Variants in OR2K2 observed in about 807,000 individuals in gnomAD.
The protein encoded by OR2K2 is olfactory receptor 2K2.
In OR2K2, 7 loss-of-function variants were observed where a neutral mutation model predicts 11.1. The ratio of observed to expected loss-of-function variants is 0.63; its 90% confidence interval spans 0.36 to 1.19. The LOEUF is 1.19. Among genes scored for constraint, OR2K2 ranks in the 50% most tolerant of loss-of-function variants. OR2K2 has a pLI of 0.02. For synonymous variants in OR2K2, 152 were observed against 150.8 expected, an observed-to-expected ratio of 1.01 and a Z score of -0.06; for missense variants, 391 against 383.4, an observed-to-expected ratio of 1.02 and a Z score of -0.17.
intron 1 of OR2K2, among the ~76,000 whole-genome samples, chr9:111,329,552 C>G (rs1042073549): frequency 2.0e-5 from 3 of 152,080 alleles, no homozygotes; most frequent in African/African-American, 7.2e-5. Flanking sequence ...GGAAGATTAC[C>G]ATAAGATCTC....
chr9:111,327,494 C>T lies in OR2K2; in HGVS notation c.940G>A (p.Glu314Lys), dbSNP rs781230543. ...CCATAGGGACCCAATCAGAGATGTT[C>T]GTGTGTTTGATGCAATGTTATTTTG... ...LGKITLHQTH[E>K]HL is the part of the protein sequence containing the mutation. Residue 314 changes from glutamate to lysine, a missense_variant, in exon 2 of 2, where the codon GAA becomes AAA. Physicochemically the swap from Glu to Lys is moderately conservative, Grantham distance 56 (BLOSUM62 1). Transcript: ENST00000302681. The T allele has an allele frequency of 1.1e-5, 17 of 1,598,528 alleles. No individual in the cohort carries two copies. The highest frequency in any genetic ancestry group is 1.7e-4 in the Middle Eastern group (1 of 5,994).
In OR2K2 at chr9:111,328,623, G is replaced by A. The variant is rs559748102; in HGVS notation, c.-49-141C>T. On this transcript the variant is annotated intron_variant, in intron 1 of 1. Transcript: ENST00000302681. ...GTTTATTGATGTAAGGGGGGGAGCA[G>A]GTTGATGTACATAAGTTGATTCTTC... 2.4e-5 allele frequency: 14 copies of A among 579,208 alleles called. No individual in the cohort carries two copies. In the African/African-American group the frequency reaches 2.6e-4, roughly 11 times the overall value. 35.9% of individuals were successfully genotyped at this position (579,208 alleles called of 1,614,324 possible). A position where few individuals can be genotyped will look rare whatever the true frequency, so the allele number is the denominator to read the frequency against.
Position 111,327,949 on chromosome 9 carries a change from A to C in OR2K2, c.485T>G (p.Phe162Cys). ...GCLTALLETS[F>C]ALQIPLCGNL... ...CCCACAGAGGGGTATCTGCAGGGCA[A>C]AACTGGTTTCCAGCAGAGCGGTCAG... Residue 162 changes from phenylalanine to cysteine, a missense_variant, in exon 2 of 2, where the codon TTT (phenylalanine) becomes TGT (cysteine). By Grantham distance (205) the Phe-to-Cys change is radical. Coordinates refer to ENST00000302681, the MANE Select transcript of OR2K2 (RefSeq NM_205859.2). The C allele has an allele frequency of 1.2e-6, 2 of 1,614,142 alleles. No homozygotes were observed. The highest frequency in any genetic ancestry group is 1.7e-6 in the Non-Finnish European group (2 of 1,180,030).
In OR2K2 at chr9:111,327,445, G is replaced by T; in HGVS notation, c.*38C>A. The T allele has an allele frequency of 7.3e-7, 1 of 1,377,660 alleles. No homozygotes were observed. Among genetic ancestry groups the T allele is most frequent in the Non-Finnish European group, 1.0e-6 (1 of 995,358 alleles). 85.3% of individuals were successfully genotyped at this position (1,377,660 alleles called of 1,614,324 possible). A position where few individuals can be genotyped will look rare whatever the true frequency, so the allele number is the denominator to read the frequency against. On this transcript the variant is annotated 3_prime_UTR_variant, in exon 2 of 2. Transcript: ENST00000302681. Reference sequence around the variant, plus strand: ...GTCTCGAATTTCTCTGATGAGCTCTGCCAGGGGCACATCTCTGGTAAAACC... The same window carrying T: ...GTCTCGAATTTCTCTGATGAGCTCTTCCAGGGGCACATCTCTGGTAAAACC...
chr9:111,328,987 G>C (rs1276733145), intron 1 of OR2K2, among the ~76,000 whole-genome samples: 1 of 152,170 alleles, frequency 6.6e-6, no homozygotes, highest in Non-Finnish European at 1.5e-5. Context: ...GGCTGAGGCG[G>C]GTGGATTGCT....
chr9:111,328,147 C>A lies in OR2K2; in HGVS notation c.287G>T (p.Gly96Val). The A allele has an allele frequency of 6.2e-7, 1 of 1,614,104 alleles. No individual in the cohort carries two copies. ...GGACAGATACATCTGTACAGCACAC[C>A]CAGAAAAGATAATGGTTTTCTGGGA... ...LSSQKTIIFS[G>V]CAVQMYLSLA... The change falls in exon 2 of 2, where the codon GGG becomes GTG. Residue 96 changes from glycine to valine, a missense_variant. Gly to Val is a moderately radical substitution (Grantham distance 109, BLOSUM62 -3). Coordinates refer to ENST00000302681, the MANE Select transcript of OR2K2 (RefSeq NM_205859.2).
Position 111,328,358 on chromosome 9 carries a change from C to A in OR2K2, c.76G>T (p.Val26Phe), listed in dbSNP as rs1208154574. 3 of 1,613,672 alleles carry A rather than the reference C, an allele frequency of 1.9e-6. No individual in the cohort carries two copies. The highest frequency in any genetic ancestry group is 1.3e-5 in the African/African-American group (1 of 74,904). ...GFSQYPGLEV[V>F]LFVFSLVMYL... is the part of the protein sequence containing the mutation. ...ATTACAAGGCTGAAGACGAAGAGAA[C>A]CACTTCTAACCCTGGGTACTGGGAA... The change falls in exon 2 of 2, where the codon GTT becomes TTT. Residue 26 changes from valine to phenylalanine, a missense_variant. Physicochemically the swap from Val to Phe is conservative, Grantham distance 50. Coordinates refer to ENST00000302681, the MANE Select transcript of OR2K2 (RefSeq NM_205859.2).
intron 1 of OR2K2, among the ~76,000 whole-genome samples, chr9:111,329,116 T>C (rs1340551703): frequency 6.6e-6 from 1 of 151,988 alleles, no homozygotes; most frequent in Non-Finnish European, 1.5e-5. Context: ...CTCAGGAGGC[T>C]GAAGCTGAGA....
Position 111,327,568 on chromosome 9 carries a change from T to C in OR2K2, c.866A>G (p.Tyr289Cys). ...VLTPMLNPII[Y>C]SLRNKEVKDA... ...TTTGACTTCCTTGTTTCTTAAACTG[T>C]AAATTATGGGGTTCAACATAGGGGT... The change falls in exon 2 of 2, where the codon TAC becomes TGC. Residue 289 changes from tyrosine (Y) to cysteine (C), a missense_variant. Coordinates refer to ENST00000302681, the MANE Select transcript of OR2K2 (RefSeq NM_205859.2). 2 of 1,613,216 alleles carry C rather than the reference T, an allele frequency of 1.2e-6. No homozygotes were observed. The highest frequency in any genetic ancestry group is 1.7e-6 in the Non-Finnish European group (2 of 1,179,834).
At position 111,328,489 on chromosome 9, in the gene OR2K2, A is replaced by T. The variant is rs1453142735; in HGVS notation, c.-49-7T>A. On this transcript the variant is annotated splice_region_variant and splice_polypyrimidine_tract_variant and intron_variant, in intron 1 of 1. Coordinates refer to ENST00000302681, the MANE Select transcript of OR2K2 (RefSeq NM_205859.2). The stretch of plus-strand genomic sequence containing the variant: ...ACTATTCCCTTCATTTAATCTGAGG[A>T]CATAAAGAAATGAATAAAGTGTGAT... 8.6e-7 allele frequency: 1 copy of T among 1,158,914 alleles called. No individual in the cohort carries two copies. The highest frequency in any genetic ancestry group is 2.4e-5 in the East Asian group (1 of 41,812). The allele number at this position is 1,158,914 out of a possible 1,614,324, so 71.8% of individuals were successfully genotyped here. A position where few individuals can be genotyped will look rare whatever the true frequency, so the allele number is the denominator to read the frequency against.
intron 1 of OR2K2, among the ~76,000 whole-genome samples, chr9:111,329,288 G>T (rs573879853): frequency 2.0e-5 from 3 of 152,156 alleles, no homozygotes; most frequent in African/African-American, 7.2e-5. Flanking sequence ...TAACAGTTTG[G>T]GGGGGCTGTA....
At position 111,330,137 on chromosome 9, in the gene OR2K2, T is replaced by C. The variant is rs1231379109; in HGVS notation, c.-81A>G. On this transcript the variant is annotated 5_prime_UTR_variant, in exon 1 of 2. Coordinates refer to ENST00000302681, the MANE Select transcript of OR2K2 (RefSeq NM_205859.2). ...TTTGATATTCAAAAGTATTTAATAG[T>C]AGCCAAGAAGAATTGGTCCTCCCAT... 6.6e-6 allele frequency: 1 copy of C among 152,210 alleles called. No homozygotes were observed. Among genetic ancestry groups the C allele is most frequent in the Non-Finnish European group, 1.5e-5 (1 of 68,038 alleles). 9.4% of individuals were successfully genotyped at this position (152,210 alleles called of 1,614,324 possible).
In OR2K2 at chr9:111,328,333, A is replaced by T. The variant is rs1479350592; in HGVS notation, c.101T>A (p.Met34Lys). 6.2e-7 allele frequency: 1 copy of T among 1,613,800 alleles called. No homozygotes were observed. The highest frequency in any genetic ancestry group is 2.2e-5 in the East Asian group (1 of 44,902). ...EVVLFVFSLV[M>K]YLTTLLGNST... ...GTTGCCCAAGAGCGTTGTCAGATAC[A>T]TTACAAGGCTGAAGACGAAGAGAAC... Residue 34 changes from methionine to lysine, a missense_variant, in exon 2 of 2, where the codon ATG (methionine) becomes AAG (lysine). By Grantham distance (95) the Met-to-Lys change is moderately conservative (BLOSUM62 -1). Coordinates refer to ENST00000302681, the MANE Select transcript of OR2K2 (RefSeq NM_205859.2).
chr9:111,327,589 G>A lies in OR2K2; in HGVS notation c.845C>T (p.Pro282Leu). Residue 282 changes from proline (P) to leucine (L), a missense_variant, in exon 2 of 2, where the codon CCT becomes CTT. Coordinates refer to ENST00000302681, the MANE Select transcript of OR2K2 (RefSeq NM_205859.2). ...IISLLYGVLT[P>L]MLNPIIYSLR... is the part of the protein sequence containing the mutation. ...ACTGTAAATTATGGGGTTCAACATA[G>A]GGGTAAGCACTCCGTAAAGCAACGA... 6.2e-7 allele frequency: 1 copy of A among 1,614,036 alleles called. No homozygotes were observed. The highest frequency in any genetic ancestry group is 8.5e-7 in the Non-Finnish European group (1 of 1,179,930).
rs1178090022 is a variant in OR2K2, at chr9:111,327,790, A to T, written c.644T>A (p.Ile215Asn). 1 of 1,614,092 alleles carries T rather than the reference A, an allele frequency of 6.2e-7. No individual in the cohort carries two copies. The highest frequency in any genetic ancestry group is 8.5e-7 in the Non-Finnish European group (1 of 1,180,046). The change falls in exon 2 of 2, where the codon ATC (isoleucine) becomes AAC (asparagine). Residue 215 changes from isoleucine (I) to asparagine (N), a missense_variant. Physicochemically the swap from Ile to Asn is moderately radical, Grantham distance 149. Coordinates refer to ENST00000302681, the MANE Select transcript of OR2K2 (RefSeq NM_205859.2). The stretch of plus-strand genomic sequence containing the variant: ...AGTGGAAAGGATGAAGATGTAAGAG[A>T]TGCAAACTAAGAGCATTGGAATTGG... ...LLPIPMLLVC[I>N]SYIFILSTIL...
At position 111,327,253 on chromosome 9, in the gene OR2K2, G is replaced by A. The variant is rs1245838487; in HGVS notation, c.*230C>T. On this transcript the variant is annotated 3_prime_UTR_variant, in exon 2 of 2. Transcript: ENST00000302681. Reference sequence around the variant, plus strand: ...ATTTCTTCTGTAGCAAACATTTAATGACTCTATAACTCAAAACCTCACAAC... The same window carrying A: ...ATTTCTTCTGTAGCAAACATTTAATAACTCTATAACTCAAAACCTCACAAC... Among the ~76,000 whole-genome samples the A allele has an allele frequency of 2.6e-5, 4 of 152,350 alleles. No homozygotes were observed. The highest frequency in any genetic ancestry group is 7.2e-5 in the African/African-American group (3 of 41,580).
intron 1 of OR2K2, among the ~76,000 whole-genome samples, chr9:111,328,881 T>G (rs2098102076): frequency 6.6e-6 from 1 of 152,118 alleles, no homozygotes; most frequent in African/African-American, 2.4e-5. Flanking sequence ...AAAGCAATAT[T>G]GATCTTCACT....
At position 111,327,997 on chromosome 9, in the gene OR2K2, G is replaced by A. The variant is rs73656223; in HGVS notation, c.437C>T (p.Thr146Met). Residue 146 changes from threonine (T) to methionine (M), a missense_variant, in exon 2 of 2, where the codon ACG becomes ATG. Thr to Met is a moderately conservative substitution (Grantham distance 81). Coordinates refer to ENST00000302681, the MANE Select transcript of OR2K2 (RefSeq NM_205859.2). ...MNRCVCARMA[T>M]VSWVTGCLTA... is the part of the protein sequence containing the mutation. ...CAGGCAACCCGTCACCCAGGAGACC[G>A]TAGCCATCCGTGCACAGACGCACCT... 4,493 of 1,614,128 alleles carry A rather than the reference G, an allele frequency of 2.8e-3. 130 individuals carry two copies. The African/African-American group carries it at 0.053, about 19-fold the overall frequency.
In OR2K2 at chr9:111,327,676, G is replaced by T; in HGVS notation, c.758C>A (p.Ala253Asp). ...AGGCTTTAGGTACATAGAGAGGGCA[G>T]CCCCATAATACAAAATCACCACAGT... ...HLTVVILYYG[A>D]ALSMYLKPSS... is the part of the protein sequence containing the mutation. The change falls in exon 2 of 2, where the codon GCT becomes GAT. Residue 253 changes from alanine to aspartate, a missense_variant. Coordinates refer to ENST00000302681, the MANE Select transcript of OR2K2 (RefSeq NM_205859.2). 2 of 1,614,098 alleles carry T rather than the reference G, an allele frequency of 1.2e-6. No individual in the cohort carries two copies. The highest frequency in any genetic ancestry group is 4.5e-5 in the East Asian group (2 of 44,880).
Sources: gnomAD v4.1 joint callset for allele counts (sites outside exome capture counted in the v4.1 genomes callset) on GRCh38, gnomAD v4.1.1 for gene constraint, MANE v1.5 for transcripts, NCBI Gene and HGNC (gene_info 2026-07-23, HGNC 2026-07-21) for gene names.